Variants in PDE4D observed in about 807,000 individuals in gnomAD.
PDE4D encodes 3',5'-cyclic-AMP phosphodiesterase 4D.
Under a neutral mutation model 87.4 loss-of-function variants are expected in PDE4D, and 24 were observed. The ratio of observed to expected loss-of-function variants is 0.27; its 90% CI spans 0.20 to 0.39. PDE4D has a LOEUF of 0.39. Ranked by LOEUF, PDE4D falls within the 10% of genes least tolerant of loss-of-function variation. The pLI, the probability that PDE4D is intolerant of heterozygous loss-of-function variation, is 1.00. For missense variants in PDE4D, 714 were observed against 1,041.0 expected, an observed-to-expected ratio of 0.69 and a Z score of 4.32; for synonymous variants, 384 against 383.2, an observed-to-expected ratio of 1.00 and a Z score of -0.02.
chr5:59,997,217 T>C (rs1331220083), intron 2 of PDE4D, among the ~76,000 whole-genome samples: 2 of 152,184 alleles, frequency 1.3e-5, no homozygotes, highest in Non-Finnish European at 2.9e-5. Context: ...AATTATTTCC[T>C]TCACAGTTAC....
intron 1 of PDE4D, among the ~76,000 whole-genome samples, chr5:60,516,203 A>T (rs1028699488): frequency 1.3e-5 from 2 of 152,262 alleles, no homozygotes; most frequent in African/African-American, 4.8e-5. Context: ...GTTATGAGTG[A>T]GTTAACTTGA....
chr5:60,185,513 A>T (rs763348106), intron 2 of PDE4D: 1 of 1,296,388 alleles, frequency 7.7e-7, no homozygotes, highest in South Asian at 1.3e-5. Context: ...AAAATGTTAT[A>T]TGTACATGTG....
At chr5:59,715,051 C>T (rs1754794672) in intron 1 of PDE4D, among the ~76,000 whole-genome samples, 1 of 152,254 alleles carries the variant, frequency 6.6e-6, no homozygotes, top group Admixed American at 6.5e-5. Flanking sequence ...CCAGTATTCA[C>T]TGATAGAGAA....
At chr5:60,056,935 A>T (rs1232076132) in intron 2 of PDE4D, among the ~76,000 whole-genome samples, 1 of 152,008 alleles carries the variant, frequency 6.6e-6, no homozygotes, top group Non-Finnish European at 1.5e-5. Context: ...GTAACCTAAA[A>T]ATTTATTTGG....
At chr5:59,802,618 C>T (rs1174920858) in intron 1 of PDE4D, among the ~76,000 whole-genome samples, 4 of 151,900 alleles carry the variant, frequency 2.6e-5, no homozygotes, top group African/African-American at 9.7e-5. Flanking sequence ...AGGATGGTCT[C>T]GATCTCCTGA....
chr5:60,237,241 T>C (rs998805710), intron 1 of PDE4D, among the ~76,000 whole-genome samples: 2 of 151,984 alleles, frequency 1.3e-5, no homozygotes, highest in African/African-American at 4.8e-5. Flanking sequence ...AAACTAAATA[T>C]GCATTTACCA....
At chr5:59,894,064 C>T (rs950245442), upstream of PDE4D, among the ~76,000 whole-genome samples, 2 of 152,292 alleles carry the variant, frequency 1.3e-5, no homozygotes, top group African/African-American at 4.8e-5. Flanking sequence ...GAACCCTGAT[C>T]CCGGAGCTGC....
intron 1 of PDE4D, among the ~76,000 whole-genome samples, chr5:59,892,513 G>C (rs375375173): frequency 6.6e-6 from 1 of 151,722 alleles, no homozygotes; most frequent in African/African-American, 2.4e-5. Context: ...TCACCCCCTT[G>C]TCTCTCTCAA....
intron 2 of PDE4D, among the ~76,000 whole-genome samples, chr5:59,200,148 T>C (rs551903530): frequency 6.7e-3 from 306 of 45,850 alleles, no homozygotes; most frequent in Non-Finnish European, 0.019. Flanking sequence ...TATGTACACG[T>C]ATATGTATAT....
rs545180134 is a variant in PDE4D at position 59,587,208 on chromosome 5, C to T, written c.455+305960G>A. Among the ~76,000 whole-genome samples, 4 of 152,230 alleles carry T rather than the reference C, an allele frequency of 2.6e-5. No individual in the cohort carries two copies. The South Asian group carries it at 8.3e-4, about 32-fold the overall frequency. ...CTATTGATCTTTTCACTGCAGAATC[C>T]CCTTTATTTTGTTATTATCAAAACC... On this transcript the variant is annotated intron_variant, in intron 1 of 14. Coordinates refer to ENST00000340635, the MANE Select transcript of PDE4D (RefSeq NM_001104631.2).
At chr5:60,314,183 T>C (rs79031421) in intron 1 of PDE4D, among the ~76,000 whole-genome samples, 1 of 152,034 alleles carries the variant, frequency 6.6e-6, no homozygotes, top group African/African-American at 2.4e-5. Context: ...TTTTTTTTTT[T>C]TGAGATGGAG....
chr5:59,567,273 G>C (rs1821097468), intron 1 of PDE4D, among the ~76,000 whole-genome samples: 1 of 152,114 alleles, frequency 6.6e-6, no homozygotes, highest in Non-Finnish European at 1.5e-5. Flanking sequence ...TCAGAGTATG[G>C]CCAATGTCCA....
chr5:58,989,687 A>G (rs1425686667), intron 10 of PDE4D, 68 bp downstream of exon 10: 2 of 918,978 alleles, frequency 2.2e-6, no homozygotes, highest in Non-Finnish European at 3.2e-6. Context: ...AAAACCCTTC[A>G]GATAAAAGTT....
At chr5:59,555,273 C>A (rs993248201) in intron 1 of PDE4D, among the ~76,000 whole-genome samples, 2 of 152,122 alleles carry the variant, frequency 1.3e-5, no homozygotes, top group African/African-American at 4.8e-5. Context: ...TGTATGCTCT[C>A]ACTTGTAAGT....
At chr5:59,760,945 A>T (rs1054482176) in intron 1 of PDE4D, among the ~76,000 whole-genome samples, 1 of 152,150 alleles carries the variant, frequency 6.6e-6, no homozygotes, top group African/African-American at 2.4e-5. Flanking sequence ...TTTAGAGGCA[A>T]ATTGACACAG....
intron 6 of PDE4D, among the ~76,000 whole-genome samples, chr5:59,027,067 C>T (rs1756377554): frequency 6.6e-6 from 1 of 152,198 alleles, no homozygotes; most frequent in Non-Finnish European, 1.5e-5. Flanking sequence ...TCTCCTGAGG[C>T]TCTTCTTGGC....
chr5:59,510,395 C>A (rs1159916048), intron 1 of PDE4D, among the ~76,000 whole-genome samples: 1 of 150,676 alleles, frequency 6.6e-6, no homozygotes, highest in Non-Finnish European at 1.5e-5. Context: ...AATAGAAATT[C>A]AAAAACAAAC....
chr5:59,138,757 T>C (rs1411930549), intron 5 of PDE4D, among the ~76,000 whole-genome samples: 6 of 152,052 alleles, frequency 3.9e-5, no homozygotes, highest in South Asian at 2.1e-4. Flanking sequence ...TGCTAGGAAA[T>C]GAGTGAGCCA....
In PDE4D at chr5:59,892,896, CCA is replaced by C. The variant is rs70975348; in HGVS notation, c.455+270_455+271del. 0.21 allele frequency among the ~76,000 whole-genome samples: 29,989 copies of C among 143,658 alleles called. 3,327 individuals are homozygous for C. The highest frequency in any genetic ancestry group is 0.3 in the Admixed American group (4,312 of 14,392). The allele number at this position is 143,658 out of a possible 152,430, so 94.2% of individuals were successfully genotyped here. Reference sequence around the variant, plus strand: ...CACAGATAACTGGGAAGCGCGCGCACCACACACACACACACACACACACACAC... The same window carrying C: ...CACAGATAACTGGGAAGCGCGCGCACCACACACACACACACACACACACAC... On this transcript the variant is annotated intron_variant, in intron 1 of 14. Coordinates refer to ENST00000340635, the MANE Select transcript of PDE4D (RefSeq NM_001104631.2).
Sources: gnomAD v4.1 joint callset for allele counts (sites outside exome capture counted in the v4.1 genomes callset) on GRCh38, gnomAD v4.1.1 for gene constraint, MANE v1.5 for transcripts, NCBI Gene and HGNC (gene_info 2026-07-23, HGNC 2026-07-21) for gene names.